Variants in CPXM2 observed in about 807,000 individuals in gnomAD.
The protein encoded by CPXM2 is inactive carboxypeptidase-like protein X2.
A neutral mutation model predicts 86.1 loss-of-function variants in CPXM2; 66 were observed. The ratio of observed to expected loss-of-function variants is 0.77; its 90% confidence interval spans 0.63 to 0.94. The LOEUF (loss-of-function observed/expected upper bound fraction) is 0.94, where lower values mean the gene tolerates loss of function less well. CPXM2 is among the 40% of genes least tolerant of loss of function. The probability of loss-of-function intolerance (pLI) is 0.00; values close to 1 mark genes in which losing one functional copy is unlikely to be tolerated. For synonymous variants in CPXM2, 388 were observed against 400.2 expected (o/e 0.97, Z 0.36); for missense variants, 948 against 1,026.3 (o/e 0.92, Z 1.04).
intron 1 of CPXM2, among the ~76,000 whole-genome samples, chr10:123,886,401 C>A (rs140826447): frequency 6.6e-6 from 1 of 152,284 alleles, no homozygotes; most frequent in East Asian, 1.9e-4. Flanking sequence ...AACTGGCTTA[C>A]GGCACACACA....
intron 3 of CPXM2, among the ~76,000 whole-genome samples, chr10:123,859,427 C>T (rs548278248): frequency 6.6e-6 from 1 of 152,226 alleles, no homozygotes; most frequent in Non-Finnish European, 1.5e-5. Flanking sequence ...CCCTGTGGCA[C>T]AGGAGCACAG....
intron 3 of CPXM2, 62 bp downstream of exon 3, chr10:123,862,552 G>T: frequency 1.4e-6 from 2 of 1,445,826 alleles, no homozygotes; most frequent in Non-Finnish European, 1.9e-6. Context: ...CCTGATCCAA[G>T]CTCAAGGAAC....
intron 4 of CPXM2, among the ~76,000 whole-genome samples, chr10:123,823,507 A>G (rs1026432319): frequency 8.5e-5 from 13 of 152,222 alleles, no homozygotes; most frequent in African/African-American, 3.1e-4. Flanking sequence ...TGCACAGGGA[A>G]GGAAATTTAA....
At chr10:123,907,506 C>G (rs1408511722) in intron 2 of CPXM2, among the ~76,000 whole-genome samples, 1 of 152,146 alleles carries the variant, frequency 6.6e-6, no homozygotes, top group Non-Finnish European at 1.5e-5. Flanking sequence ...GTCACCAGCA[C>G]AATCCCCCAC....
intron 6 of CPXM2, among the ~76,000 whole-genome samples, chr10:123,797,169 G>A (rs1245315386): frequency 6.6e-6 from 1 of 152,196 alleles, no homozygotes; most frequent in African/African-American, 2.4e-5. Flanking sequence ...AATAAGGCAA[G>A]TGGAATACTA....
At chr10:123,871,155 A>C (rs1247637459) in intron 2 of CPXM2, among the ~76,000 whole-genome samples, 2 of 152,150 alleles carry the variant, frequency 1.3e-5, no homozygotes, top group Non-Finnish European at 2.9e-5. Flanking sequence ...AAGCCTCCCA[A>C]GACTTCCTCC....
chr10:123,758,795 C>A (rs74161097), intron 11 of CPXM2, among the ~76,000 whole-genome samples: 2,471 of 152,286 alleles, frequency 0.016, 60 homozygotes, highest in African/African-American at 0.057. Flanking sequence ...TGACCACCCT[C>A]CCTGGGCTCT....
chr10:123,749,986 T>G (rs915164972), intron 13 of CPXM2: 19 of 361,014 alleles, frequency 5.3e-5, no homozygotes, highest in Middle Eastern at 1.4e-3. Context: ...TTGTTTTTTT[T>G]TTTTTTTTTT....
chr10:123,763,547 T>TAA (rs59727685), intron 10 of CPXM2, among the ~76,000 whole-genome samples: 10 of 145,462 alleles, frequency 6.9e-5, no homozygotes, highest in African/African-American at 2.5e-4. Context: ...GCTTTTGATC[T>TAA]AAAAAAAAAA....
At chr10:123,916,223 G>A (rs1308117259) in intron 2 of CPXM2, among the ~76,000 whole-genome samples, 2 of 152,162 alleles carry the variant, frequency 1.3e-5, no homozygotes, top group Non-Finnish European at 2.9e-5. Context: ...GGGGATTAGG[G>A]GCAAAATGCT....
At chr10:123,747,334 A>G (rs1328431259) in intron 13 of CPXM2, among the ~76,000 whole-genome samples, 2 of 152,204 alleles carry the variant, frequency 1.3e-5, no homozygotes, top group Admixed American at 6.5e-5. Context: ...TTGAACTTCC[A>G]AACAGTATGC....
Position 123,912,309 on chromosome 10 carries a change from G to A in CPXM2, n.174+27168C>T, listed in dbSNP as rs987189427. 1.9e-4 allele frequency among the ~76,000 whole-genome samples: 9 copies of A among 47,156 alleles called. 1 individual carries two copies. The highest frequency in any genetic ancestry group is 3.8e-4 in the Admixed American group (2 of 5,248). 30.9% of individuals were successfully genotyped at this position (47,156 alleles called of 152,430 possible). Reference sequence around the variant, plus strand: ...GTGTGTGAGTGTGCAGATGGTGGGCGGGGGGGGGGGGGCAGGCATTCCTGC... The same window carrying A: ...GTGTGTGAGTGTGCAGATGGTGGGCAGGGGGGGGGGGGCAGGCATTCCTGC... On this transcript the variant is annotated intron_variant and non_coding_transcript_variant, in intron 2 of 19. Transcript: ENST00000368854.
chr10:123,822,821 C>T (rs780763534), intron 4 of CPXM2, among the ~76,000 whole-genome samples: 63 of 152,206 alleles, frequency 4.1e-4, no homozygotes, highest in Non-Finnish European at 6.5e-4. Context: ...TGCCTACCCT[C>T]AGACCTCTAC....
chr10:123,849,056 A>C (rs1254490775), intron 3 of CPXM2, among the ~76,000 whole-genome samples: 1 of 152,296 alleles, frequency 6.6e-6, no homozygotes, highest in East Asian at 1.9e-4. Context: ...TTGTTCTATT[A>C]ATAGTAAGTT....
chr10:123,836,681 G>A (rs1848288174), intron 4 of CPXM2, among the ~76,000 whole-genome samples: 1 of 151,782 alleles, frequency 6.6e-6, no homozygotes, highest in African/African-American at 2.4e-5. Flanking sequence ...TGTCTGCAGA[G>A]GACTCCACCT....
At chr10:123,937,465 AAAACAACACACACACACACAC>A (rs1468494487) in intron 2 of CPXM2, among the ~76,000 whole-genome samples, 2 of 139,778 alleles carry the variant, frequency 1.4e-5, no homozygotes, top group African/African-American at 5.4e-5. Context: ...ACAAGACAAC[AAAACAACACACACACACACAC>A]ACACACACAC....
chr10:123,880,145 T>TGGGGGGGCCCCCCC, intron 2 of CPXM2, 66 bp downstream of exon 2: 2 of 407,578 alleles, frequency 4.9e-6, no homozygotes. Context: ...CAGGGGCCTG[T>TGGGGGGGCCCCCCC]ACCCACCCAC....
In CPXM2 at chr10:123,842,435, A is replaced by G; in HGVS notation, c.567T>C (p.Asn189=). Residue 189 remains asparagine, a synonymous_variant, in exon 4 of 14, where the codon AAT becomes AAC. Coordinates refer to ENST00000241305, the MANE Select transcript of CPXM2 (RefSeq NM_198148.3). The part of the protein sequence containing the change: ...FYDGAWCAGR[N]DLQQWIEVDA... ...CCACTTCAATCCACTGCTGGAGGTC[A>G]TTTCTTCCCGCGCACCACGCTCCGT... 6.2e-7 allele frequency: 1 copy of G among 1,614,210 alleles called. No homozygotes were observed. Among genetic ancestry groups the G allele is most frequent in the Non-Finnish European group, 8.5e-7 (1 of 1,180,032 alleles).
At chr10:123,806,458 C>A (rs1392650724) in intron 4 of CPXM2, among the ~76,000 whole-genome samples, 1 of 152,088 alleles carries the variant, frequency 6.6e-6, no homozygotes, top group African/African-American at 2.4e-5. Context: ...GCTTGGCAAG[C>A]TACCTAGTCT....
Sources: gnomAD v4.1 joint callset for allele counts (sites outside exome capture counted in the v4.1 genomes callset) on GRCh38, gnomAD v4.1.1 for gene constraint, MANE v1.5 for transcripts, NCBI Gene and HGNC (gene_info 2026-07-23, HGNC 2026-07-21) for gene names.